NCKAP1L: variants seen among roughly 807,000 people sequenced by gnomAD.
NCKAP1L encodes the protein NCK associated protein 1 like.
A neutral mutation model predicts 139.2 loss-of-function variants in NCKAP1L; 53 were observed. The observed-to-expected ratio is 0.38, with a 90% CI of 0.31 to 0.48. NCKAP1L has a LOEUF of 0.48. Among genes scored for constraint, NCKAP1L ranks in the 20% least tolerant of loss-of-function variants. The pLI, the probability that NCKAP1L is intolerant of heterozygous loss-of-function variation, is 0.98. For missense variants in NCKAP1L, 1,151 were observed against 1,381.9 expected (o/e 0.83, Z 2.65); for synonymous variants, 468 against 499.7 (o/e 0.94, Z 0.85).
At position 54,509,775 on chromosome 12, in the gene NCKAP1L, A is replaced by G. The variant is rs1956872730; in HGVS notation, c.597+16A>G. 5 of 1,614,060 alleles carry G rather than the reference A, an allele frequency of 3.1e-6. No homozygotes were observed. The highest frequency in any genetic ancestry group is 4.2e-6 in the Non-Finnish European group (5 of 1,180,018). ...TCACACAAAGGCAAGTTCCCTGACA[A>G]TGGAGAATTCCTCAGGCAAAAGTAT... On this transcript the variant is annotated intron_variant, in intron 6 of 30. Transcript: ENST00000293373.
intron 16 of NCKAP1L, 118 bp downstream of exon 16, chr12:54,519,450 TA>T (rs1956963972): frequency 2.3e-5 from 19 of 814,428 alleles, no homozygotes; most frequent in Non-Finnish European, 2.7e-5. Flanking sequence ...TTTTTTTTTT[TA>T]AAGAGACAGA....
At chr12:54,529,022 A>G (rs1267693223) in intron 22 of NCKAP1L, among the ~76,000 whole-genome samples, 1 of 152,188 alleles carries the variant, frequency 6.6e-6, no homozygotes, top group Non-Finnish European at 1.5e-5. Context: ...GAGATGATAC[A>G]TGACATTTAT....
At chr12:54,528,123 G>C in intron 21 of NCKAP1L, 124 bp from the exon 22 acceptor site, 1 of 1,197,388 alleles carries the variant, frequency 8.4e-7, no homozygotes, top group Admixed American at 2.3e-5. Context: ...TCTTCTTTGA[G>C]TTTCTTCTCC....
At chr12:54,532,771 A>G (rs1398821755) in intron 26 of NCKAP1L, among the ~76,000 whole-genome samples, 2 of 152,162 alleles carry the variant, frequency 1.3e-5, no homozygotes, top group African/African-American at 2.4e-5. Context: ...GGTGAGAGGA[A>G]GAAGGGCTTC....
rs202106554 is a variant in NCKAP1L at position 54,531,496 on chromosome 12, G to A, written c.2610G>A (p.Leu870=). ...TCTGTGTTCCTGGACTACAGAAGCTGGTGGTGGAAAACATGGACATACTTG... is the reference window on the plus strand; with the variant it reads ...TCTGTGTTCCTGGACTACAGAAGCTAGTGGTGGAAAACATGGACATACTTG... ...VTSQIVELKK[L]VVENMDILVQ... Residue 870 remains leucine, a synonymous_variant, in exon 24 of 31, where the codon CTG becomes CTA. Coordinates refer to ENST00000293373, the MANE Select transcript of NCKAP1L (RefSeq NM_005337.5). 104 of 1,614,194 alleles carry A rather than the reference G, an allele frequency of 6.4e-5. 1 individual carries two copies. The East Asian group carries it at 2.1e-3, about 33-fold the overall frequency.
chr12:54,532,726 T>C (rs564760214), intron 26 of NCKAP1L, among the ~76,000 whole-genome samples: 1 of 152,286 alleles, frequency 6.6e-6, no homozygotes, highest in South Asian at 2.1e-4. Context: ...TATGTCTGTT[T>C]CACCTGCCTC....
At chr12:54,525,611 C>T (rs1022978965) in intron 20 of NCKAP1L, among the ~76,000 whole-genome samples, 1 of 152,210 alleles carries the variant, frequency 6.6e-6, no homozygotes, top group Non-Finnish European at 1.5e-5. Context: ...GGTTTGGCCT[C>T]AGTGTTAACT....
At position 54,548,092 on chromosome 12, in the gene NCKAP1L, C is replaced by T. The variant is rs144352620; in HGVS notation, c.*5407C>T. ...AGCTGTGACAGTTCATCCGCTTCTT[C>T]GCCCTTCCATTTCACTTCTTTTCTC... is the stretch of plus-strand genomic sequence containing the variant. On this transcript the variant is annotated 3_prime_UTR_variant, in exon 31 of 31. Transcript: ENST00000293373. The T allele has an allele frequency of 6.6e-5, 10 of 152,344 alleles. No homozygotes were observed. The highest frequency in any genetic ancestry group is 1.9e-4 in the African/African-American group (8 of 41,576). 9.4% of individuals were successfully genotyped at this position (152,344 alleles called of 1,614,324 possible).
chr12:54,523,339 G>T (rs951088710), intron 18 of NCKAP1L, 55 bp from the exon 19 acceptor site: 3 of 1,571,588 alleles, frequency 1.9e-6, no homozygotes, highest in African/African-American at 2.8e-5. Context: ...TAACTGTCAG[G>T]TGCCGTTTTA....
Position 54,523,502 on chromosome 12 carries a change from G to A in NCKAP1L, c.1987G>A (p.Ala663Thr). The part of the protein sequence containing the change: ...KGEPERDKPG[A>T]ESHRKNRSIV... ...AGAGCCCGAGAGGGACAAGCCAGGA[G>A]CTGAGAGTCACCGGAAGAACCGCAG... The change falls in exon 19 of 31, where the codon GCT becomes ACT. Residue 663 changes from alanine to threonine, a missense_variant. Ala to Thr is a moderately conservative substitution (Grantham distance 58, BLOSUM62 0). Coordinates refer to ENST00000293373, the MANE Select transcript of NCKAP1L (RefSeq NM_005337.5). The A allele has an allele frequency of 1.9e-6, 3 of 1,614,078 alleles. No homozygotes were observed. Among genetic ancestry groups the A allele is most frequent in the African/African-American group, 1.3e-5 (1 of 75,036 alleles).
intron 16 of NCKAP1L, among the ~76,000 whole-genome samples, chr12:54,519,802 A>G (rs771607258): frequency 8.6e-5 from 13 of 150,834 alleles, no homozygotes; most frequent in Non-Finnish European, 1.5e-4. Flanking sequence ...TGGATTTTAC[A>G]TAGTCTTCGC....
At chr12:54,533,189 A>C (rs1243026702) in intron 26 of NCKAP1L, among the ~76,000 whole-genome samples, 1 of 152,174 alleles carries the variant, frequency 6.6e-6, no homozygotes, top group Non-Finnish European at 1.5e-5. Flanking sequence ...GGTTTCTGGC[A>C]CCTGCTGATG....
At chr12:54,508,839 A>C (rs1956863257) in intron 5 of NCKAP1L, among the ~76,000 whole-genome samples, 1 of 152,198 alleles carries the variant, frequency 6.6e-6, no homozygotes. Flanking sequence ...TGGGTTCCGC[A>C]GCACTGACTG....
At chr12:54,505,173 G>A (rs529993847) in intron 3 of NCKAP1L, among the ~76,000 whole-genome samples, 8 of 152,278 alleles carry the variant, frequency 5.3e-5, no homozygotes, top group Admixed American at 4.6e-4. Context: ...CCGGCTCCCC[G>A]CCACATTGCG....
intron 20 of NCKAP1L, among the ~76,000 whole-genome samples, chr12:54,524,967 G>A (rs997098421): frequency 6.6e-6 from 1 of 152,172 alleles, no homozygotes; most frequent in Non-Finnish European, 1.5e-5. Context: ...ACTGGGGAAA[G>A]AGCATTCTAG....
rs550602589 is a variant in NCKAP1L, at chr12:54,529,572, C to G, written c.2506+1195C>G. ...ACACAGTTCTGTTTTCCAGTTCTGC[C>G]TCCTTCCCATCATCCCGCCTCCATC... On this transcript the variant is annotated intron_variant, in intron 22 of 30. Coordinates refer to ENST00000293373, the MANE Select transcript of NCKAP1L (RefSeq NM_005337.5). 2.6e-5 allele frequency among the ~76,000 whole-genome samples: 4 copies of G among 152,244 alleles called. No homozygotes were observed. In the South Asian group the frequency reaches 8.3e-4, roughly 32 times the overall value.
Position 54,536,137 on chromosome 12 carries a change from T to A in NCKAP1L, c.2965T>A (p.Ser989Thr). The A allele has an allele frequency of 6.2e-7, 1 of 1,611,632 alleles. No homozygotes were observed. The highest frequency in any genetic ancestry group is 8.5e-7 in the Non-Finnish European group (1 of 1,177,998). The change falls in exon 28 of 31, where the codon TCT becomes ACT. Residue 989 changes from serine to threonine, a missense_variant. Coordinates refer to ENST00000293373, the MANE Select transcript of NCKAP1L (RefSeq NM_005337.5). The stretch of plus-strand genomic sequence containing the variant: ...TTTTTCCCTCTCACCAGATACTTCA[T>A]CTCCTGAGGAGGAATATAAGGTGGC... Reference protein sequence around the residue: ...AIANLKADTSSPEEEYKVACL... With the variant: ...AIANLKADTSTPEEEYKVACL...
intron 29 of NCKAP1L, among the ~76,000 whole-genome samples, chr12:54,538,541 C>CTGAT (rs1957131517): frequency 6.6e-6 from 1 of 152,202 alleles, no homozygotes; most frequent in Non-Finnish European, 1.5e-5. Context: ...CATAAACAGC[C>CTGAT]TGATGACAGT....
intron 7 of NCKAP1L, chr12:54,510,482 T>C (rs1956878762): frequency 9.5e-6 from 2 of 210,398 alleles, no homozygotes; most frequent in Admixed American, 5.9e-5. Flanking sequence ...TGTGCCACCA[T>C]GGTTGACTAA....
Sources: allele counts gnomAD v4.1 joint callset (sites outside exome capture counted in the v4.1 genomes callset), GRCh38; gene constraint gnomAD v4.1.1; transcripts MANE v1.5; gene names NCBI Gene and HGNC (gene_info 2026-07-23, HGNC 2026-07-21).